Variants in ADAMTS4 observed in about 807,000 individuals in gnomAD.
ADAMTS4 encodes A disintegrin and metalloproteinase with thrombospondin motifs 4.
In ADAMTS4, 38 loss-of-function variants were observed where a neutral mutation model predicts 66.7. The ratio of observed to expected loss-of-function variants is 0.57; its 90% CI spans 0.44 to 0.75. The LOEUF (loss-of-function observed/expected upper bound fraction) is 0.75. Ranked by LOEUF, ADAMTS4 falls within the 30% of genes least tolerant of loss-of-function variation. ADAMTS4 has a pLI of 0.00. For missense variants in ADAMTS4, 1,014 were observed against 1,116.7 expected (o/e 0.91, Z 1.31); for synonymous variants, 418 against 461.5 (o/e 0.91, Z 1.21).
Position 161,193,905 on chromosome 1 carries a change from C to G in ADAMTS4, c.1548+30G>C. The G allele has an allele frequency of 6.4e-7, 1 of 1,562,570 alleles. No homozygotes were observed. Among genetic ancestry groups the G allele is most frequent in the South Asian group, 1.2e-5 (1 of 82,566 alleles). ...AGGCCAGTCCCCACACCCCCGGGCC[C>G]TTTACCCCACCCCTGCCCTAGGATC... On this transcript the variant is annotated intron_variant, in intron 5 of 8. Transcript: ENST00000367996. This position sits in a 1 kb window ranked among gnomAD's most constrained non-coding sequence, Gnocchi z 4.4.
At chr1:161,195,958 C>T (rs1664814889) in intron 3 of ADAMTS4, 1 of 586,500 alleles carries the variant, frequency 1.7e-6, no homozygotes. Flanking sequence ...CACACACACA[C>T]ACACAGAGGA....
rs759134794 is a variant in ADAMTS4 at position 161,191,550 on chromosome 1, T to C, written c.2102A>G (p.Asn701Ser). 3.1e-6 allele frequency: 5 copies of C among 1,611,360 alleles called. No homozygotes were observed. The South Asian group carries it at 4.4e-5, about 14-fold the overall frequency. The change falls in exon 9 of 9, where the codon AAT becomes AGT. Residue 701 changes from asparagine (N) to serine (S), a missense_variant. By Grantham distance (46) the Asn-to-Ser change is conservative (BLOSUM62 1). Coordinates refer to ENST00000367996, the MANE Select transcript of ADAMTS4 (RefSeq NM_005099.6). ...SFRKFRYGYN[N>S]VVTIPAGATH... is the part of the protein sequence containing the mutation. ...GGCCCCCGCGGGGATAGTGACCACA[T>C]TGTTGTATCCGTACCTGTGTGGAAG...
chr1:161,191,276 C>A lies in ADAMTS4; in HGVS notation c.2376G>T (p.Gln792His), dbSNP rs770241246. ...AGAAGCTGTATCGGAGGCGTGTGTC[C>A]TGGGGGTTGCCAGCCACTAGGACTT... Reference protein sequence around the residue: ...TLQVLVAGNPQDTRLRYSFFV... With the variant: ...TLQVLVAGNPHDTRLRYSFFV... The change falls in exon 9 of 9, where the codon CAG (glutamine) becomes CAT (histidine). Residue 792 changes from glutamine to histidine, a missense_variant. Coordinates refer to ENST00000367996, the MANE Select transcript of ADAMTS4 (RefSeq NM_005099.6). The A allele has an allele frequency of 6.2e-7, 1 of 1,613,898 alleles. No individual in the cohort carries two copies. The highest frequency in any genetic ancestry group is 2.2e-5 in the East Asian group (1 of 44,888).
At position 161,198,676 on chromosome 1, in the gene ADAMTS4, G is replaced by C; in HGVS notation, c.-49C>G. On this transcript the variant is annotated 5_prime_UTR_variant, in exon 1 of 9. Coordinates refer to ENST00000367996, the MANE Select transcript of ADAMTS4 (RefSeq NM_005099.6). This position sits in a 1 kb window ranked among gnomAD's most constrained non-coding sequence, Gnocchi z 4.7. ...GGACTGAGGCCGTCTAGGGCACCAA[G>C]TCCTCCACACCCTAGCTTTGGAAAG... 1 of 1,432,412 alleles carries C rather than the reference G, an allele frequency of 7.0e-7. No individual in the cohort carries two copies. The highest frequency in any genetic ancestry group is 9.2e-7 in the Non-Finnish European group (1 of 1,082,652). 88.7% of individuals were successfully genotyped at this position (1,432,412 alleles called of 1,614,324 possible).
Position 161,198,453 on chromosome 1 carries a change from C to T in ADAMTS4, c.175G>A (p.Glu59Lys), listed in dbSNP as rs1201925530. The T allele has an allele frequency of 6.3e-7, 1 of 1,575,632 alleles. No individual in the cohort carries two copies. Among genetic ancestry groups the T allele is most frequent in the Admixed American group, 1.9e-5 (1 of 53,638 alleles). The change falls in exon 1 of 9, where the codon GAG becomes AAG. Residue 59 changes from glutamate (E) to lysine (K), a missense_variant. By Grantham distance (56) the Glu-to-Lys change is moderately conservative (BLOSUM62 1). Transcript: ENST00000367996. This position sits in a 1 kb window ranked among gnomAD's most constrained non-coding sequence, Gnocchi z 4.7. ...AGCTTCTCTGGAAACACGATCTCCTCCTCCCGGGGGAGGGGGCTGGCCAGC... is the reference window on the plus strand; with the variant it reads ...AGCTTCTCTGGAAACACGATCTCCTTCTCCCGGGGGAGGGGGCTGGCCAGC... ...ARLASPLPRE[E>K]EIVFPEKLNG...
rs118115912 is a variant in ADAMTS4, at chr1:161,197,177, C to T, written c.634-297G>A. ...CAGAGGTGAAAGCAGCCTGGACTGC[C>T]GTCAGGAGGGACTTTGGGGTTCTCC... is the stretch of plus-strand genomic sequence containing the variant. On this transcript the variant is annotated intron_variant, in intron 1 of 8. Coordinates refer to ENST00000367996, the MANE Select transcript of ADAMTS4 (RefSeq NM_005099.6). 4.7e-4 allele frequency: 161 copies of T among 344,326 alleles called. 1 individual carries two copies. In the East Asian group the frequency reaches 7.3e-3, roughly 16 times the overall value. The allele number at this position is 344,326 out of a possible 1,614,324, so 21.3% of individuals were successfully genotyped here.
At chr1:161,196,147 C>T (rs1409764787) in intron 3 of ADAMTS4, 24 bp downstream of exon 3, 2 of 1,568,178 alleles carry the variant, frequency 1.3e-6, no homozygotes, top group East Asian at 2.3e-5. Flanking sequence ...TCCCTAATAC[C>T]TTTCTCATCC....
Position 161,191,098 on chromosome 1 carries a change from G to C in ADAMTS4, c.*40C>G. 2 of 1,510,858 alleles carry C rather than the reference G, an allele frequency of 1.3e-6. No homozygotes were observed. Among genetic ancestry groups the C allele is most frequent in the Non-Finnish European group, 1.8e-6 (2 of 1,131,276 alleles). The allele number at this position is 1,510,858 out of a possible 1,614,324, so 93.6% of individuals were successfully genotyped here. A position where few individuals can be genotyped will look rare whatever the true frequency, so the allele number is the denominator to read the frequency against. ...CTCTCTCTTTCTCCCAGCTAAGTCC[G>C]AGGCCCCGGTGCCCAGAAAGGGCAG... On this transcript the variant is annotated 3_prime_UTR_variant, in exon 9 of 9. Coordinates refer to ENST00000367996, the MANE Select transcript of ADAMTS4 (RefSeq NM_005099.6).
intron 2 of ADAMTS4, 34 bp downstream of exon 2, chr1:161,196,523 A>C: frequency 6.2e-7 from 1 of 1,601,880 alleles, no homozygotes; most frequent in South Asian, 1.1e-5. Flanking sequence ...AGAATTGTGC[A>C]GTGCATGGCC....
chr1:161,197,097 TGG>T, intron 1 of ADAMTS4: 2 of 538,312 alleles, frequency 3.7e-6, no homozygotes, highest in Non-Finnish European at 6.6e-6. Context: ...AGTCAGCAGC[TGG>T]TTCTAAGAAG....
chr1:161,191,450 G>T lies in ADAMTS4; in HGVS notation c.2202C>A (p.Gly734=), dbSNP rs746769366. The part of the protein sequence containing the change: ...SIYLALKLPD[G]SYALNGEYTL... ...TGTATTCACCATTGAGGGCATAGGA[G>T]CCATCTGGCAGCTTCAGGGCCAAGT... The change falls in exon 9 of 9, where the codon GGC becomes GGA. Residue 734 remains glycine (G), a synonymous_variant. Transcript: ENST00000367996. 1 of 1,614,194 alleles carries T rather than the reference G, an allele frequency of 6.2e-7. No individual in the cohort carries two copies. Among genetic ancestry groups the T allele is most frequent in the Non-Finnish European group, 8.5e-7 (1 of 1,180,024 alleles).
Position 161,193,422 on chromosome 1 carries a change from C to T in ADAMTS4, c.1736-34G>A, listed in dbSNP as rs1176902476. The T allele has an allele frequency of 1.2e-6, 2 of 1,602,606 alleles. No individual in the cohort carries two copies. Among genetic ancestry groups the T allele is most frequent in the Non-Finnish European group, 8.5e-7 (1 of 1,173,296 alleles). On this transcript the variant is annotated intron_variant, in intron 6 of 8. Transcript: ENST00000367996. This position sits in a 1 kb window ranked among gnomAD's most constrained non-coding sequence, Gnocchi z 4.4. ...GTAAAACAGTCAGAGCCCCTCCTTC[C>T]TTCCTCACATCACCCCACATCCCTC... is the stretch of plus-strand genomic sequence containing the variant.
chr1:161,192,382 C>T (rs1325232064), intron 7 of ADAMTS4, 142 bp from the exon 8 acceptor site: 3 of 657,148 alleles, frequency 4.6e-6, no homozygotes, highest in Non-Finnish European at 5.1e-6. Context: ...GGGTGAGTGC[C>T]GGCCACCATG....
rs755411448 is a variant in ADAMTS4, at chr1:161,191,423, C to T, written c.2229G>A (p.Thr743=). The change falls in exon 9 of 9, where the codon ACG becomes ACA. Residue 743 remains threonine (T), a synonymous_variant. Transcript: ENST00000367996. ...DGSYALNGEY[T]LMPSPTDVVL... The stretch of plus-strand genomic sequence containing the variant: ...CCACATCTGTGGGGGAGGGCATCAG[C>T]GTGTATTCACCATTGAGGGCATAGG... 147 of 1,614,012 alleles carry T rather than the reference C, an allele frequency of 9.1e-5. No homozygotes were observed. The highest frequency in any genetic ancestry group is 6.4e-5 in the Non-Finnish European group (76 of 1,180,032).
At chr1:161,192,615 G>A (rs1664709966) in intron 7 of ADAMTS4, among the ~76,000 whole-genome samples, 1 of 152,050 alleles carries the variant, frequency 6.6e-6, no homozygotes, top group Non-Finnish European at 1.5e-5. Context: ...AGCCAAGATG[G>A]GAAGTGCAGT....
rs1025743086 is a variant in ADAMTS4 at position 161,184,553 on chromosome 1, G to A, written c.*6585C>T. ...ATGTCCTTTCCACATGCTGTGGAATGTTTACAATGTTTACAACCCATTGGC... is the reference window on the plus strand; with the variant it reads ...ATGTCCTTTCCACATGCTGTGGAATATTTACAATGTTTACAACCCATTGGC... On this transcript the variant is annotated 3_prime_UTR_variant, in exon 9 of 9. Coordinates refer to ENST00000367996, the MANE Select transcript of ADAMTS4 (RefSeq NM_005099.6). The A allele has an allele frequency of 3.3e-5, 5 of 152,196 alleles. No homozygotes were observed. The highest frequency in any genetic ancestry group is 1.2e-4 in the African/African-American group (5 of 41,448). The allele number at this position is 152,196 out of a possible 1,614,324, so 9.4% of individuals were successfully genotyped here. A position where few individuals can be genotyped will look rare whatever the true frequency, so the allele number is the denominator to read the frequency against.
In ADAMTS4 at chr1:161,194,484, G is replaced by A. The variant is rs1478356611; in HGVS notation, c.1262-263C>T. On this transcript the variant is annotated intron_variant, in intron 4 of 8. Transcript: ENST00000367996. This position sits in a 1 kb window ranked among gnomAD's most constrained non-coding sequence, Gnocchi z 4.1. ...GGCTCACTACAGCCTCAAACTTCTG[G>A]GCTCAAGCAAACTTCCTGCCTTGGG... 2.0e-5 allele frequency among the ~76,000 whole-genome samples: 3 copies of A among 151,768 alleles called. No homozygotes were observed.
At position 161,196,724 on chromosome 1, in the gene ADAMTS4, A is replaced by G. The variant is rs1460087017; in HGVS notation, c.790T>C (p.Leu264=). 6.2e-7 allele frequency: 1 copy of G among 1,613,850 alleles called. No homozygotes were observed. Among genetic ancestry groups the G allele is most frequent in the Admixed American group, 1.7e-5 (1 of 60,016 alleles). Residue 264 remains leucine, a synonymous_variant, in exon 2 of 9, where the codon TTG becomes CTG. Coordinates refer to ENST00000367996, the MANE Select transcript of ADAMTS4 (RefSeq NM_005099.6). ...AGGATCACTAGCCGAGTCACCACCA[A>G]GCTGACAGGATTGCGGATGCTTGGG... ...KHPSIRNPVS[L]VVTRLVILGS...
At chr1:161,195,376 T>G in intron 4 of ADAMTS4, 89 bp downstream of exon 4, 1 of 1,376,612 alleles carries the variant, frequency 7.3e-7, no homozygotes, top group Non-Finnish European at 9.8e-7. Flanking sequence ...GGAGGCAATT[T>G]GGTCCATGCA....
Sources: gnomAD v4.1 joint callset for allele counts (sites outside exome capture counted in the v4.1 genomes callset) on GRCh38, gnomAD v4.1.1 for gene constraint, Gnocchi (gnomAD v3.1) non-coding constraint, MANE v1.5 for transcripts, NCBI Gene and HGNC (gene_info 2026-07-23, HGNC 2026-07-21) for gene names.